TMEM156: variants seen among roughly 807,000 people sequenced by gnomAD.
The protein encoded by TMEM156 is transmembrane protein 156.
A neutral mutation model predicts 30.5 loss-of-function variants in TMEM156; 28 were observed. The observed-to-expected ratio is 0.92, with a 90% CI of 0.68 to 1.26. The LOEUF (loss-of-function observed/expected upper bound fraction) is 1.26. Ranked by LOEUF, TMEM156 falls within the 50% of genes most tolerant of loss-of-function variation. TMEM156 has a pLI of 0.00. For synonymous variants in TMEM156, 137 were observed against 119.9 expected (o/e 1.14, Z -0.93); for missense variants, 351 against 340.6 (o/e 1.03, Z -0.24).
intron 5 of TMEM156, among the ~76,000 whole-genome samples, chr4:38,979,709 T>C (rs989555881): frequency 6.6e-6 from 1 of 152,206 alleles, no homozygotes; most frequent in African/African-American, 2.4e-5. Context: ...TAAACAGTTA[T>C]CCATGAAGTA....
chr4:38,994,853 G>A (rs151237593), intron 2 of TMEM156, among the ~76,000 whole-genome samples: 1 of 151,932 alleles, frequency 6.6e-6, no homozygotes, highest in African/African-American at 2.4e-5. Flanking sequence ...CAGGAGACTC[G>A]TTTGAACCTG....
At chr4:38,981,483 T>A (rs1711539839) in intron 5 of TMEM156, among the ~76,000 whole-genome samples, 1 of 152,180 alleles carries the variant, frequency 6.6e-6, no homozygotes, top group Admixed American at 6.5e-5. Flanking sequence ...ATGTTTTGTC[T>A]CAGTTTCCAA....
intron 5 of TMEM156, among the ~76,000 whole-genome samples, chr4:38,974,058 CGTGTGTGTGT>C (rs60030815): frequency 2.0e-5 from 3 of 149,168 alleles, no homozygotes; most frequent in Non-Finnish European, 3.0e-5. Flanking sequence ...GGAAGGAGTG[CGTGTGTGTGT>C]GTGTGTGTGT....
intron 1 of TMEM156, among the ~76,000 whole-genome samples, chr4:39,002,602 T>C (rs1207034097): frequency 3.4e-5 from 5 of 147,120 alleles, no homozygotes; most frequent in African/African-American, 9.9e-5. Flanking sequence ...TATTGAGGCA[T>C]TATTCACAAT....
intron 1 of TMEM156, among the ~76,000 whole-genome samples, chr4:39,010,187 C>G (rs1203362410): frequency 6.6e-6 from 1 of 152,004 alleles, no homozygotes; most frequent in Admixed American, 6.6e-5. Flanking sequence ...ATACATCTAA[C>G]CAAGGAGATG....
At chr4:39,001,541 CT>C (rs201858136) in intron 1 of TMEM156, among the ~76,000 whole-genome samples, 127 of 144,470 alleles carry the variant, frequency 8.8e-4, no homozygotes, top group African/African-American at 1.7e-3. Flanking sequence ...ATTACTTCTT[CT>C]TTTTTTTTTT....
At chr4:39,011,555 C>A (rs1485120642) in intron 1 of TMEM156, among the ~76,000 whole-genome samples, 1 of 152,138 alleles carries the variant, frequency 6.6e-6, no homozygotes, top group East Asian at 1.9e-4. Flanking sequence ...GCAGGTGAAT[C>A]ACGAGGTCAG....
At chr4:39,011,007 C>A (rs1216341893) in intron 1 of TMEM156, among the ~76,000 whole-genome samples, 2 of 152,032 alleles carry the variant, frequency 1.3e-5, no homozygotes, top group African/African-American at 2.4e-5. Context: ...TATTTGTAAA[C>A]TATGGATCTT....
At chr4:39,022,900 A>G (rs1714962656) in intron 1 of TMEM156, among the ~76,000 whole-genome samples, 1 of 152,112 alleles carries the variant, frequency 6.6e-6, no homozygotes, top group Non-Finnish European at 1.5e-5. Flanking sequence ...AGAGAAAATG[A>G]GAATTTTTTG....
intron 1 of TMEM156, among the ~76,000 whole-genome samples, chr4:38,999,361 T>C (rs1408837271): frequency 2.0e-5 from 3 of 152,148 alleles, no homozygotes; most frequent in Non-Finnish European, 4.4e-5. Flanking sequence ...GAACATTCCC[T>C]ATTAACTTTC....
intron 1 of TMEM156, among the ~76,000 whole-genome samples, chr4:39,006,243 A>T (rs1205535850): frequency 2.0e-5 from 3 of 152,058 alleles, no homozygotes; most frequent in Non-Finnish European, 4.4e-5. Context: ...AGATTTTGCC[A>T]ATTTGGTGAG....
intron 5 of TMEM156, among the ~76,000 whole-genome samples, chr4:38,978,202 C>T (rs1722973340): frequency 6.6e-6 from 1 of 152,096 alleles, no homozygotes; most frequent in Admixed American, 6.6e-5. Context: ...ATTCTCTTAT[C>T]TCCAAAACTA....
intron 1 of TMEM156, among the ~76,000 whole-genome samples, chr4:39,010,850 T>C (rs1460622951): frequency 6.6e-6 from 1 of 152,170 alleles, no homozygotes; most frequent in African/African-American, 2.4e-5. Flanking sequence ...GACATGAACT[T>C]AGGCAAAGAA....
chr4:39,020,055 A>AT (rs1345141193), intron 1 of TMEM156, among the ~76,000 whole-genome samples: 8 of 152,086 alleles, frequency 5.3e-5, no homozygotes, highest in Non-Finnish European at 2.9e-5. Context: ...ATCATGTGGC[A>AT]TTTTTCTTTC....
intron 1 of TMEM156, among the ~76,000 whole-genome samples, chr4:39,006,737 C>A (rs1713764307): frequency 6.6e-6 from 1 of 151,730 alleles, no homozygotes. Context: ...GCCAACGTGG[C>A]AAAACCCCAT....
chr4:38,990,784 C>T (rs1712364641), intron 3 of TMEM156, among the ~76,000 whole-genome samples: 1 of 149,640 alleles, frequency 6.7e-6, no homozygotes, highest in Non-Finnish European at 1.5e-5. Flanking sequence ...CACCAAAGTA[C>T]AAAGTTGGTT....
intron 1 of TMEM156, among the ~76,000 whole-genome samples, chr4:39,005,988 C>T (rs1046034342): frequency 1.3e-5 from 2 of 152,106 alleles, no homozygotes; most frequent in East Asian, 1.9e-4. Flanking sequence ...CTCTGCCTCC[C>T]GGGTTCAAGC....
At chr4:39,012,352 G>A (rs1315633399) in intron 1 of TMEM156, among the ~76,000 whole-genome samples, 2 of 152,016 alleles carry the variant, frequency 1.3e-5, no homozygotes, top group Non-Finnish European at 2.9e-5. Flanking sequence ...ATCTGTCTCA[G>A]ACCAAAATAT....
intron 1 of TMEM156, among the ~76,000 whole-genome samples, chr4:39,028,037 C>T (rs1207209178): frequency 1.3e-5 from 2 of 152,070 alleles, no homozygotes; most frequent in East Asian, 1.9e-4. Flanking sequence ...GATTACACCG[C>T]GCCTGGCCCC....
Sources: allele counts gnomAD v4.1 joint callset (sites outside exome capture counted in the v4.1 genomes callset), GRCh38; gene constraint gnomAD v4.1.1; transcripts MANE v1.5; gene names NCBI Gene and HGNC (gene_info 2026-07-23, HGNC 2026-07-21).